The following ELAPOR1 variants were observed in gnomAD, a reference collection of about 807,000 sequenced individuals.
ELAPOR1 encodes the protein endosome/lysosome-associated apoptosis and autophagy regulator 1.
In ELAPOR1, 77 loss-of-function variants were observed where a neutral mutation model predicts 119.7. The observed-to-expected ratio is 0.64, with a 90% CI of 0.54 to 0.78. The LOEUF (loss-of-function observed/expected upper bound fraction) is 0.78. ELAPOR1 is among the 30% of genes least tolerant of loss of function. The probability of loss-of-function intolerance (pLI) is 0.00; values close to 1 mark genes in which losing one functional copy is unlikely to be tolerated. For missense variants in ELAPOR1, 1,115 were observed against 1,270.4 expected (o/e 0.88, Z 1.86); for synonymous variants, 481 against 487.2 (o/e 0.99, Z 0.17).
Position 109,147,996 on chromosome 1 carries a change from ATTTTTT to A in ELAPOR1, c.154-13889_154-13884del, listed in dbSNP as rs36071384. Among the ~76,000 whole-genome samples the A allele has an allele frequency of 8.6e-5, 12 of 139,902 alleles. No individual in the cohort carries two copies. In the South Asian group the frequency reaches 2.7e-3, roughly 32 times the overall value. The allele number at this position is 139,902 out of a possible 152,430, so 91.8% of individuals were successfully genotyped here. On this transcript the variant is annotated intron_variant, in intron 1 of 21. Transcript: ENST00000369939. ...AGGTGCCCGCCACCACGCCCGGCTA[ATTTTTT>A]TTTTTTTTGTATTTTTAGTAGAGAT...
chr1:109,117,430 C>CT (rs1648088331), intron 1 of ELAPOR1, among the ~76,000 whole-genome samples: 1 of 152,234 alleles, frequency 6.6e-6, no homozygotes, highest in East Asian at 1.9e-4. Context: ...TATCCTGAGG[C>CT]TCCAGGGCTA....
At chr1:109,190,254 C>T (rs1343977136) in intron 11 of ELAPOR1, among the ~76,000 whole-genome samples, 1 of 152,216 alleles carries the variant, frequency 6.6e-6, no homozygotes, top group Non-Finnish European at 1.5e-5. Context: ...GGAAAAGTCA[C>T]TTCACCTGTT....
chr1:109,189,643 A>G lies in ELAPOR1; in HGVS notation c.1400A>G (p.Asn467Ser). 1 of 1,614,178 alleles carries G rather than the reference A, an allele frequency of 6.2e-7. No individual in the cohort carries two copies. The highest frequency in any genetic ancestry group is 8.5e-7 in the Non-Finnish European group (1 of 1,180,028). The change falls in exon 11 of 22, where the codon AAT becomes AGT. Residue 467 changes from asparagine (N) to serine (S), a missense_variant. Physicochemically the swap from Asn to Ser is conservative, Grantham distance 46. Transcript: ENST00000369939. ...HIYTAAGASD[N>S]DFMILTLVVP... ...TACACAGCTGCTGGAGCCTCAGACA[A>G]TGACTTCATGATTCTCACTCTGGTT...
At chr1:109,178,954 T>G (rs35522814) in intron 7 of ELAPOR1, among the ~76,000 whole-genome samples, 68,058 of 146,298 alleles carry the variant, frequency 0.47, 16,732 homozygotes, top group African/African-American at 0.65. Context: ...GACAGAATAA[T>G]ACTGTCTCAA....
intron 20 of ELAPOR1, 141 bp from the exon 21 acceptor site, chr1:109,200,594 G>A (rs1654107481): frequency 2.7e-6 from 2 of 751,700 alleles, no homozygotes; most frequent in Non-Finnish European, 4.3e-6. Flanking sequence ...TATTACCCCA[G>A]CCCTGACACC....
intron 4 of ELAPOR1, 78 bp from the exon 5 acceptor site, chr1:109,172,410 A>C (rs1227636172): frequency 9.3e-7 from 1 of 1,071,570 alleles, no homozygotes; most frequent in African/African-American, 1.6e-5. Context: ...GGCCCTCTGG[A>C]GGGCTGGTGC....
chr1:109,163,591 G>A (rs1386201391), intron 2 of ELAPOR1, among the ~76,000 whole-genome samples: 1 of 151,548 alleles, frequency 6.6e-6, no homozygotes, highest in African/African-American at 2.4e-5. Flanking sequence ...TAGTGACAGG[G>A]TCTCACTGTG....
rs659543 is a variant in ELAPOR1 at position 109,192,794 on chromosome 1, A to G, written c.1867A>G (p.Thr623Ala). 5 of 1,613,596 alleles carry G rather than the reference A, an allele frequency of 3.1e-6. No homozygotes were observed. Among genetic ancestry groups the G allele is most frequent in the African/African-American group, 2.7e-5 (2 of 74,700 alleles). The change falls in exon 14 of 22, where the codon ACT becomes GCT. Residue 623 changes from threonine to alanine, a missense_variant. Physicochemically the swap from Thr to Ala is moderately conservative, Grantham distance 58. Transcript: ENST00000369939. ...TTCAGGAACCTGCCACTCCTGCCCC[A>G]CTAACACAATTCTGAAAGCCCACCA... ...RDSGTCHSCP[T>A]NTILKAHQPY...
intron 1 of ELAPOR1, among the ~76,000 whole-genome samples, chr1:109,146,141 A>G (rs1263547086): frequency 6.6e-6 from 1 of 152,030 alleles, no homozygotes; most frequent in Non-Finnish European, 1.5e-5. Flanking sequence ...GCAAATCCCC[A>G]TTTCTACTAA....
Position 109,180,707 on chromosome 1 carries a change from G to A in ELAPOR1, c.953-4338G>A, listed in dbSNP as rs559842025. Among the ~76,000 whole-genome samples the A allele has an allele frequency of 9.9e-5, 15 of 152,284 alleles. No homozygotes were observed. In the East Asian group the frequency reaches 2.5e-3, roughly 25 times the overall value. ...CAGGCCAGCACTATGGCTCACACCT[G>A]TAATCCTAATACTTTGGGAGGCCGA... On this transcript the variant is annotated intron_variant, in intron 7 of 21. Transcript: ENST00000369939.
At chr1:109,140,420 C>T (rs1291190852) in intron 1 of ELAPOR1, among the ~76,000 whole-genome samples, 1 of 152,168 alleles carries the variant, frequency 6.6e-6, no homozygotes, top group East Asian at 1.9e-4. Flanking sequence ...CCTCGTAAAC[C>T]TTACAGGAGT....
intron 1 of ELAPOR1, among the ~76,000 whole-genome samples, chr1:109,137,779 C>T (rs1390951152): frequency 6.6e-6 from 1 of 152,178 alleles, no homozygotes; most frequent in African/African-American, 2.4e-5. Flanking sequence ...CTGCCCGCCT[C>T]GGCCCCCCAA....
chr1:109,142,551 G>A (rs1649894711), intron 1 of ELAPOR1, among the ~76,000 whole-genome samples: 1 of 152,184 alleles, frequency 6.6e-6, no homozygotes, highest in East Asian at 1.9e-4. Context: ...GTGTACGCTG[G>A]TCCACAGCCG....
At chr1:109,158,891 CTTTTTTT>C (rs543781555) in intron 1 of ELAPOR1, among the ~76,000 whole-genome samples, 1 of 128,736 alleles carries the variant, frequency 7.8e-6, no homozygotes, top group Non-Finnish European at 1.7e-5. Flanking sequence ...AAGCTTATGT[CTTTTTTT>C]TTTTTTTTTT....
At position 109,161,956 on chromosome 1, in the gene ELAPOR1, G is replaced by T. The variant is rs772062061; in HGVS notation, c.216G>T (p.Val72=). 8.1e-6 allele frequency: 13 copies of T among 1,614,090 alleles called. No individual in the cohort carries two copies. The highest frequency in any genetic ancestry group is 1.1e-5 in the Non-Finnish European group (13 of 1,179,954). ...CGGGTTCCAGGTGGAGGGTCGCCGT[G>T]CCGCATACCCCGGGCCTGTGCACCA... ...DSTGSRWRVA[V]PHTPGLCTSL... The change falls in exon 2 of 22, where the codon GTG becomes GTT. Residue 72 remains valine (V), a synonymous_variant. Coordinates refer to ENST00000369939, the MANE Select transcript of ELAPOR1 (RefSeq NM_020775.5).
chr1:109,137,558 G>A (rs503883), intron 1 of ELAPOR1, among the ~76,000 whole-genome samples: 115,425 of 150,652 alleles, frequency 0.77, 44,334 homozygotes, highest in East Asian at 0.92. Flanking sequence ...GCGGAGTTTC[G>A]CTCTTGTTGC....
chr1:109,187,324 C>A (rs865789407), intron 8 of ELAPOR1: 8 of 985,372 alleles, frequency 8.1e-6, no homozygotes, highest in Non-Finnish European at 9.6e-6. Context: ...CGCAGCCCTC[C>A]GCAGGGAAGA....
chr1:109,130,501 T>G lies in ELAPOR1; in HGVS notation c.153+16165T>G, dbSNP rs537267787. Among the ~76,000 whole-genome samples, 3 of 149,830 alleles carry G rather than the reference T, an allele frequency of 2.0e-5. No individual in the cohort carries two copies. The South Asian group carries it at 6.3e-4, about 31-fold the overall frequency. On this transcript the variant is annotated intron_variant, in intron 1 of 21. Transcript: ENST00000369939. ...TCAATATTTTATTTTATTTTTAAAA[T>G]TATATATATATTTATTTTTATTGAA...
chr1:109,189,317 T>C (rs922419093), intron 10 of ELAPOR1, 123 bp downstream of exon 10: 176 of 1,259,716 alleles, frequency 1.4e-4, no homozygotes, highest in Non-Finnish European at 1.9e-4. Flanking sequence ...ATGCATTCCC[T>C]TGAAAGTTCC....
Sources: gnomAD v4.1 joint callset for allele counts (sites outside exome capture counted in the v4.1 genomes callset) on GRCh38, gnomAD v4.1.1 for gene constraint, MANE v1.5 for transcripts, NCBI Gene and HGNC (gene_info 2026-07-23, HGNC 2026-07-21) for gene names.